CTNNA2: variants seen among roughly 807,000 people sequenced by gnomAD.
CTNNA2 encodes the protein catenin alpha-2.
Under a neutral mutation model 101.0 loss-of-function variants are expected in CTNNA2, and 42 were observed. That is an observed-to-expected ratio of 0.42 (90% CI 0.32 to 0.54). The LOEUF is 0.54. Among genes scored for constraint, CTNNA2 ranks in the 20% least tolerant of loss-of-function variants. CTNNA2 has a pLI of 0.14. For missense variants in CTNNA2, 871 were observed against 1,223.1 expected (o/e 0.71, Z 4.29); for synonymous variants, 450 against 456.4 (o/e 0.99, Z 0.18).
At chr2:80,541,616 A>G (rs1691561903) in intron 9 of CTNNA2, among the ~76,000 whole-genome samples, 1 of 152,156 alleles carries the variant, frequency 6.6e-6, no homozygotes, top group African/African-American at 2.4e-5. Context: ...TCTGAGCTCT[A>G]AGTCCCACAG....
intron 9 of CTNNA2, among the ~76,000 whole-genome samples, chr2:80,446,365 C>T (rs1683070558): frequency 6.6e-6 from 1 of 152,176 alleles, no homozygotes; most frequent in African/African-American, 2.4e-5. Flanking sequence ...TAGAAACACA[C>T]TATCTTGAAG....
intron 7 of CTNNA2, among the ~76,000 whole-genome samples, chr2:80,279,929 G>A (rs555228748): frequency 9.3e-4 from 141 of 152,102 alleles, no homozygotes; most frequent in Non-Finnish European, 1.3e-3. Context: ...AACAGCATTA[G>A]CTATGGGATG....
intron 7 of CTNNA2, among the ~76,000 whole-genome samples, chr2:80,274,355 A>G (rs1673729805): frequency 6.6e-6 from 1 of 152,198 alleles, no homozygotes; most frequent in Non-Finnish European, 1.5e-5. Context: ...TCCGTATAGC[A>G]ATAGTCTTCG....
chr2:80,387,729 T>G (rs1013635742), intron 7 of CTNNA2, among the ~76,000 whole-genome samples: 1 of 152,210 alleles, frequency 6.6e-6, no homozygotes, highest in African/African-American at 2.4e-5. Flanking sequence ...ATAAAGGATC[T>G]CCTATTAAAA....
At chr2:79,191,542 T>C (rs532939343) in intron 1 of CTNNA2, among the ~76,000 whole-genome samples, 1 of 152,228 alleles carries the variant, frequency 6.6e-6, no homozygotes, top group South Asian at 2.1e-4. Context: ...GCCCTAAACC[T>C]AACCATATAC....
intron 18 of CTNNA2, among the ~76,000 whole-genome samples, chr2:80,637,413 T>TA (rs1044969237): frequency 6.6e-6 from 1 of 152,138 alleles, no homozygotes; most frequent in Non-Finnish European, 1.5e-5. Flanking sequence ...GCTTTAAGTC[T>TA]AGAGTCCAGG....
intron 7 of CTNNA2, among the ~76,000 whole-genome samples, chr2:79,926,356 A>T (rs1221616429): frequency 1.3e-5 from 2 of 152,180 alleles, no homozygotes; most frequent in African/African-American, 4.8e-5. Flanking sequence ...AGAAGAATAT[A>T]GATGTAATAT....
chr2:80,306,088 A>T (rs1676912179), intron 7 of CTNNA2, among the ~76,000 whole-genome samples: 1 of 152,112 alleles, frequency 6.6e-6, no homozygotes, highest in Admixed American at 6.5e-5. Flanking sequence ...GTCACCAAAG[A>T]CTGGTGGTAC....
At chr2:79,719,051 C>T (rs752239537) in intron 2 of CTNNA2, among the ~76,000 whole-genome samples, 2 of 152,098 alleles carry the variant, frequency 1.3e-5, no homozygotes, top group Non-Finnish European at 2.9e-5. Flanking sequence ...CCTTCCTCCT[C>T]GCTCTAGTCG....
chr2:79,805,151 C>T (rs968428222), intron 3 of CTNNA2, among the ~76,000 whole-genome samples: 4 of 151,998 alleles, frequency 2.6e-5, no homozygotes, highest in Non-Finnish European at 5.9e-5. Flanking sequence ...TGTAATAAGC[C>T]CAAGGGGACT....
At chr2:79,599,382 C>T (rs371845486) in intron 1 of CTNNA2, among the ~76,000 whole-genome samples, 437 of 152,190 alleles carry the variant, frequency 2.9e-3, no homozygotes, top group African/African-American at 0.01. Flanking sequence ...ATTTAGTCTG[C>T]TTCTCTATGG....
intron 7 of CTNNA2, among the ~76,000 whole-genome samples, chr2:80,337,368 CCAAA>C (rs775562298): frequency 9.9e-5 from 15 of 151,410 alleles, no homozygotes; most frequent in South Asian, 2.1e-4. Context: ...AAAAAACCAA[CCAAA>C]CAAACAAAAA....
chr2:79,644,462 C>T (rs1301559790), intron 1 of CTNNA2, among the ~76,000 whole-genome samples: 1 of 152,180 alleles, frequency 6.6e-6, no homozygotes, highest in Admixed American at 6.5e-5. Context: ...TCCCCTTGAT[C>T]ATGTAATGTA....
intron 3 of CTNNA2, among the ~76,000 whole-genome samples, chr2:79,847,933 G>A (rs1290900110): frequency 6.6e-6 from 1 of 152,150 alleles, no homozygotes; most frequent in African/African-American, 2.4e-5. Context: ...AACATTAGAA[G>A]GTTTTTGAAG....
chr2:79,970,491 C>T (rs1030657822), intron 7 of CTNNA2, among the ~76,000 whole-genome samples: 2 of 152,136 alleles, frequency 1.3e-5, no homozygotes, highest in African/African-American at 4.8e-5. Flanking sequence ...TTCTCCTCTG[C>T]TATACCCTGA....
At chr2:80,565,520 C>CTT (rs57112998) in intron 12 of CTNNA2, among the ~76,000 whole-genome samples, 11 of 145,748 alleles carry the variant, frequency 7.5e-5, no homozygotes, top group African/African-American at 2.5e-4. Flanking sequence ...TTATGCTCAC[C>CTT]TTTTTTTTTT....
intron 3 of CTNNA2, among the ~76,000 whole-genome samples, chr2:79,327,376 C>A (rs1676770267): frequency 6.6e-6 from 1 of 152,088 alleles, no homozygotes; most frequent in Admixed American, 6.6e-5. Context: ...GGTATAATGG[C>A]TAAATTTCTT....
chr2:79,276,989 T>C (rs2104319158), intron 2 of CTNNA2, among the ~76,000 whole-genome samples: 1 of 152,256 alleles, frequency 6.6e-6, no homozygotes, highest in Non-Finnish European at 1.5e-5. Context: ...TTGTGTTTGC[T>C]ATTTTACATG....
chr2:79,264,425 TAA>T (rs1674964271), intron 2 of CTNNA2, among the ~76,000 whole-genome samples: 1 of 150,462 alleles, frequency 6.6e-6, no homozygotes, highest in South Asian at 2.1e-4. Flanking sequence ...AATTTTTTTA[TAA>T]AAAGTTAATT....
Sources: allele counts gnomAD v4.1 joint callset (sites outside exome capture counted in the v4.1 genomes callset), GRCh38; gene constraint gnomAD v4.1.1; transcripts MANE v1.5; gene names NCBI Gene and HGNC (gene_info 2026-07-23, HGNC 2026-07-21).